CCR3: variants seen among roughly 807,000 people sequenced by gnomAD.
CCR3 encodes the protein C-C chemokine receptor type 3.
For synonymous variants in CCR3, 203 were observed against 179.2 expected (o/e 1.13, Z -1.06); for missense variants, 419 against 437.5 (o/e 0.96, Z 0.38).
intron 2 of CCR3, among the ~76,000 whole-genome samples, chr3:46,216,982 A>G (rs1699782536): frequency 6.6e-6 from 1 of 152,210 alleles, no homozygotes. Context: ...AGCATGATGA[A>G]TAGAACAGTA....
intron 2 of CCR3, among the ~76,000 whole-genome samples, chr3:46,229,608 G>C (rs1011956078): frequency 6.6e-6 from 1 of 152,122 alleles, no homozygotes; most frequent in Non-Finnish European, 1.5e-5. Context: ...TCTCTGGTTG[G>C]GGGAGGTGAC....
At chr3:46,232,881 G>C (rs766926288) in intron 2 of CCR3, among the ~76,000 whole-genome samples, 1 of 152,194 alleles carries the variant, frequency 6.6e-6, no homozygotes, top group Non-Finnish European at 1.5e-5. Flanking sequence ...TGCCCAGGCT[G>C]GAGTGCAGTG....
At chr3:46,243,002 T>TATATATATATATATATATATATATAC (rs56773457) in intron 1 of CCR3, among the ~76,000 whole-genome samples, 2 of 123,740 alleles carry the variant, frequency 1.6e-5, no homozygotes, top group African/African-American at 6.5e-5. Context: ...TATATATATA[T>TATATATATATATATATATATATATAC]ACGCACACAC....
chr3:46,226,594 A>G (rs1339217513), intron 2 of CCR3, among the ~76,000 whole-genome samples: 2 of 152,130 alleles, frequency 1.3e-5, no homozygotes, highest in African/African-American at 4.8e-5. Context: ...TTTCCTAAAT[A>G]ATAGGGACAG....
chr3:46,214,594 A>G (rs1575482923), intron 2 of CCR3, among the ~76,000 whole-genome samples: 1 of 152,298 alleles, frequency 6.6e-6, no homozygotes, highest in East Asian at 1.9e-4. Context: ...GTATGAGGAC[A>G]TCTAACAGAG....
At chr3:46,214,403 C>G (rs1255852399) in intron 2 of CCR3, among the ~76,000 whole-genome samples, 3 of 152,160 alleles carry the variant, frequency 2.0e-5, no homozygotes, top group African/African-American at 7.2e-5. Context: ...CTCACTCACT[C>G]AAGGACATTG....
At chr3:46,211,395 A>T (rs533324341) in intron 2 of CCR3, among the ~76,000 whole-genome samples, 276 of 150,136 alleles carry the variant, frequency 1.8e-3, no homozygotes, top group South Asian at 0.011. Flanking sequence ...ATATATATAT[A>T]TATTTTTTGT....
chr3:46,260,283 T>C (rs2125934683), intron 1 of CCR3, among the ~76,000 whole-genome samples: 1 of 152,308 alleles, frequency 6.6e-6, no homozygotes, highest in Admixed American at 6.5e-5. Flanking sequence ...TCTCATGTCC[T>C]CACATTTCAA....
intron 1 of CCR3, among the ~76,000 whole-genome samples, chr3:46,243,409 A>T (rs1209092936): frequency 1.3e-5 from 2 of 152,118 alleles, no homozygotes; most frequent in Non-Finnish European, 2.9e-5. Flanking sequence ...TATGTGTGGA[A>T]ATATATATAT....
intron 2 of CCR3, among the ~76,000 whole-genome samples, chr3:46,232,211 A>T (rs1042491354): frequency 6.6e-6 from 1 of 152,238 alleles, no homozygotes; most frequent in Non-Finnish European, 1.5e-5. Flanking sequence ...ACAAGCAACA[A>T]CACAATCCCT....
At chr3:46,250,114 G>T (rs910150457) in intron 1 of CCR3, among the ~76,000 whole-genome samples, 3 of 152,140 alleles carry the variant, frequency 2.0e-5, no homozygotes, top group Non-Finnish European at 2.9e-5. Flanking sequence ...ATGAAAAAGA[G>T]CCTAAACGCT....
intron 2 of CCR3, among the ~76,000 whole-genome samples, chr3:46,222,756 G>A (rs1005492993): frequency 3.3e-5 from 5 of 152,138 alleles, no homozygotes; most frequent in Non-Finnish European, 2.9e-5. Context: ...GCTTCCCCAC[G>A]TTTAAAATAG....
At chr3:46,227,999 G>A (rs1174641185) in intron 2 of CCR3, among the ~76,000 whole-genome samples, 2 of 151,924 alleles carry the variant, frequency 1.3e-5, no homozygotes, top group South Asian at 2.1e-4. Flanking sequence ...TTTATATGAA[G>A]CCCCTTCCTA....
At chr3:46,214,013 T>C (rs1191987631) in intron 2 of CCR3, among the ~76,000 whole-genome samples, 2 of 152,212 alleles carry the variant, frequency 1.3e-5, no homozygotes, top group African/African-American at 2.4e-5. Context: ...CTTGCATCTG[T>C]GAAGTTAAAT....
chr3:46,225,609 T>C (rs1193080354), intron 2 of CCR3, among the ~76,000 whole-genome samples: 1 of 152,238 alleles, frequency 6.6e-6, no homozygotes, highest in Non-Finnish European at 1.5e-5. Flanking sequence ...GCCATTCTGA[T>C]AGGTATGTAG....
intron 1 of CCR3, among the ~76,000 whole-genome samples, chr3:46,252,060 C>T (rs888944031): frequency 9.9e-5 from 15 of 152,112 alleles, no homozygotes; most frequent in African/African-American, 3.4e-4. Flanking sequence ...GCTCAGAGGC[C>T]TGACACTTTC....
chr3:46,212,957 T>C (rs769171690), intron 2 of CCR3, among the ~76,000 whole-genome samples: 1 of 152,164 alleles, frequency 6.6e-6, no homozygotes, highest in Admixed American at 6.5e-5. Flanking sequence ...ATTGTATACA[T>C]TGGGTACTTT....
rs114448630 is a variant in CCR3 at position 46,220,621 on chromosome 3, G to T, written c.-68+9714G>T. Among the ~76,000 whole-genome samples, 200 of 152,210 alleles carry T rather than the reference G, an allele frequency of 1.3e-3. 1 individual carries two copies. The highest frequency in any genetic ancestry group is 4.5e-3 in the African/African-American group (186 of 41,532). ...CCAAAGTAAATGTCCGTCAACTAAC[G>T]AGTGGATAAAGAAAATGTGATATAC... On this transcript the variant is annotated intron_variant, in intron 2 of 3. Transcript: ENST00000357422.
At chr3:46,247,898 A>G (rs891702884) in intron 1 of CCR3, among the ~76,000 whole-genome samples, 1 of 152,120 alleles carries the variant, frequency 6.6e-6, no homozygotes, top group Non-Finnish European at 1.5e-5. Flanking sequence ...AGAATAGCAC[A>G]TAGAATAGCA....
Sources: allele counts gnomAD v4.1 joint callset (sites outside exome capture counted in the v4.1 genomes callset), GRCh38; gene constraint gnomAD v4.1.1; transcripts MANE v1.5; gene names NCBI Gene and HGNC (gene_info 2026-07-23, HGNC 2026-07-21).